Variants in CIMIP6 observed in about 807,000 individuals in gnomAD.
CIMIP6 encodes ciliary microtubule inner protein 6.
chr2:54,372,678 G>A, the CIMIP6 span, among the ~76,000 whole-genome samples: 3 of 152,172 alleles, frequency 2.0e-5, no homozygotes, highest in Non-Finnish European at 2.9e-5. Context: ...GCACATGAGT[G>A]GAAAAGTCAT....
At chr2:54,340,917 A>G in the CIMIP6 span, among the ~76,000 whole-genome samples, 1 of 152,144 alleles carries the variant, frequency 6.6e-6, no homozygotes, top group Non-Finnish European at 1.5e-5. Context: ...GTGAGTTGTA[A>G]TCGTACCACT....
the CIMIP6 span, chr2:54,360,460 T>G: frequency 4.4e-6 from 7 of 1,582,808 alleles, no homozygotes; most frequent in South Asian, 7.0e-5. Flanking sequence ...CCAGCACTCC[T>G]GAGAGCAGAG....
At chr2:54,341,245 G>C in the CIMIP6 span, among the ~76,000 whole-genome samples, 1 of 152,152 alleles carries the variant, frequency 6.6e-6, no homozygotes, top group Non-Finnish European at 1.5e-5. Context: ...GACCCTTAAG[G>C]GGTGACTAGG....
At chr2:54,343,933 A>G in the CIMIP6 span, 3 of 1,395,792 alleles carry the variant, frequency 2.1e-6, no homozygotes, top group Non-Finnish European at 2.9e-6. Flanking sequence ...TACCAAAACT[A>G]AGATGTATTA....
chr2:54,377,117 T>A, the CIMIP6 span, among the ~76,000 whole-genome samples: 1 of 152,150 alleles, frequency 6.6e-6, no homozygotes, highest in Non-Finnish European at 1.5e-5. Context: ...GACTGTTTAT[T>A]CCCTTACAAA....
the CIMIP6 span, among the ~76,000 whole-genome samples, chr2:54,336,620 C>T: frequency 2.2e-4 from 33 of 152,164 alleles, no homozygotes; most frequent in African/African-American, 7.5e-4. Context: ...GAAAAAAATC[C>T]TGTCCTTACA....
At chr2:54,356,074 T>C in the CIMIP6 span, among the ~76,000 whole-genome samples, 2 of 151,834 alleles carry the variant, frequency 1.3e-5, no homozygotes, top group African/African-American at 4.8e-5. Context: ...ATTTAGACCA[T>C]TGTTAATTAC....
the CIMIP6 span, chr2:54,383,800 C>T: frequency 2.0e-5 from 3 of 151,926 alleles, no homozygotes; most frequent in African/African-American, 7.2e-5. Flanking sequence ...GAGGTGGGAC[C>T]TTTCAGAGGT....
At chr2:54,336,247 T>G in the CIMIP6 span, among the ~76,000 whole-genome samples, 8 of 152,224 alleles carry the variant, frequency 5.3e-5, no homozygotes, top group Non-Finnish European at 8.8e-5. Context: ...AAAGTTCCCC[T>G]ATGCCCTTTT....
At chr2:54,346,164 A>C in the CIMIP6 span, among the ~76,000 whole-genome samples, 53 of 152,312 alleles carry the variant, frequency 3.5e-4, 2 homozygotes, top group South Asian at 0.011. Flanking sequence ...GTAGTTTTCA[A>C]CTTTTAGGCT....
chr2:54,348,345 G>C, the CIMIP6 span, among the ~76,000 whole-genome samples: 1 of 152,268 alleles, frequency 6.6e-6, no homozygotes, highest in Middle Eastern at 3.4e-3. Context: ...CATTGTACTA[G>C]GTTATGTGTT....
chr2:54,382,382 G>A, the CIMIP6 span, among the ~76,000 whole-genome samples: 6 of 152,120 alleles, frequency 3.9e-5, no homozygotes, highest in African/African-American at 1.4e-4. Flanking sequence ...TATAAACAAT[G>A]AAGAATTAAT....
the CIMIP6 span, among the ~76,000 whole-genome samples, chr2:54,364,502 T>A: frequency 2.0e-5 from 3 of 152,222 alleles, no homozygotes; most frequent in African/African-American, 7.2e-5. Flanking sequence ...ATAATAATCC[T>A]ATGAAGCAGG....
the CIMIP6 span, chr2:54,330,977 T>C: frequency 8.6e-5 from 138 of 1,613,376 alleles, 1 homozygote; most frequent in Admixed American, 2.3e-4. Context: ...TAGAGGCCCA[T>C]GGAGGAAAAG....
chr2:54,353,724 A>C, the CIMIP6 span, among the ~76,000 whole-genome samples: 14 of 152,274 alleles, frequency 9.2e-5, no homozygotes, highest in African/African-American at 2.9e-4. Flanking sequence ...GTGGAGGAGC[A>C]GCTTTTTCAA....
chr2:54,338,197 G>A, the CIMIP6 span, among the ~76,000 whole-genome samples: 3 of 152,084 alleles, frequency 2.0e-5, no homozygotes, highest in African/African-American at 4.8e-5. Context: ...ACTTTGGAAG[G>A]CCAAGGCAGG....
At chr2:54,361,745 T>C in the CIMIP6 span, among the ~76,000 whole-genome samples, 55 of 152,276 alleles carry the variant, frequency 3.6e-4, no homozygotes, top group African/African-American at 1.3e-3. Context: ...TACTATAAAA[T>C]TGGAAAAATT....
the CIMIP6 span, among the ~76,000 whole-genome samples, chr2:54,367,708 G>A: frequency 6.6e-6 from 1 of 152,034 alleles, no homozygotes; most frequent in Admixed American, 6.6e-5. Context: ...GATTTATGGA[G>A]AAAATGCTTT....
the CIMIP6 span, among the ~76,000 whole-genome samples, chr2:54,369,319 A>G: frequency 6.6e-6 from 1 of 152,042 alleles, no homozygotes; most frequent in African/African-American, 2.4e-5. Flanking sequence ...TAAAAAAAAA[A>G]TCCTTTACAT....
Sources: gnomAD v4.1 joint callset for allele counts (sites outside exome capture counted in the v4.1 genomes callset) on GRCh38, gnomAD v4.1.1 for gene constraint, MANE v1.5 for transcripts, NCBI Gene and HGNC (gene_info 2026-07-23, HGNC 2026-07-21) for gene names.